ZNF69: variants seen among roughly 807,000 people sequenced by gnomAD.
The protein encoded by ZNF69 is ZNF3.
A neutral mutation model predicts 50.9 loss-of-function variants in ZNF69; 47 were observed. The ratio of observed to expected loss-of-function variants is 0.92; its 90% CI spans 0.73 to 1.18. The LOEUF (loss-of-function observed/expected upper bound fraction) is 1.18. ZNF69 is among the 50% of genes most tolerant of loss of function. The pLI is 0.00. For missense variants in ZNF69, 717 were observed against 675.1 expected (o/e 1.06, Z -0.69); for synonymous variants, 216 against 223.1 (o/e 0.97, Z 0.29).
chr19:11,941,157 G>A, the ZNF69 span, among the ~76,000 whole-genome samples: 1 of 152,228 alleles, frequency 6.6e-6, no homozygotes, highest in Non-Finnish European at 1.5e-5. Context: ...AGTGCCGATT[G>A]GTGCATTTAC....
chr19:11,937,646 G>A, the ZNF69 span, among the ~76,000 whole-genome samples: 18 of 151,030 alleles, frequency 1.2e-4, 1 homozygote, highest in Admixed American at 5.3e-4. Flanking sequence ...CTACCACCAC[G>A]CTTGGCTAAT....
downstream of ZNF69, among the ~76,000 whole-genome samples, chr19:11,908,131 A>C (rs2145248104): frequency 6.6e-6 from 1 of 152,350 alleles, no homozygotes; most frequent in African/African-American, 2.4e-5. Flanking sequence ...ACTATCCTAA[A>C]TATTTATGCA....
chr19:11,916,334 G>C (rs370194613), downstream of ZNF69, among the ~76,000 whole-genome samples: 1 of 152,130 alleles, frequency 6.6e-6, no homozygotes, highest in Non-Finnish European at 1.5e-5. Flanking sequence ...TTCAGGGGCC[G>C]CTGGGCAGAT....
chr19:11,924,923 C>G, the ZNF69 span: 1 of 380,100 alleles, frequency 2.6e-6, no homozygotes. Context: ...AACCAGAGTG[C>G]AGAAAGCAGC....
chr19:11,979,154 G>A, the ZNF69 span: 245 of 1,609,284 alleles, frequency 1.5e-4, no homozygotes, highest in African/African-American at 2.0e-3. Context: ...AAGTCATTTC[G>A]AAGACATGAA....
the ZNF69 span, among the ~76,000 whole-genome samples, chr19:11,934,009 T>C: frequency 6.8e-6 from 1 of 147,548 alleles, no homozygotes; most frequent in Non-Finnish European, 1.5e-5. Flanking sequence ...TAACATTACG[T>C]TGGATGGGTG....
exon 5 of ZNF69, chr19:11,913,966 C>G (rs1242737233): frequency 2.6e-5 from 4 of 152,156 alleles, no homozygotes; most frequent in African/African-American, 9.7e-5. Context: ...TTAGTTTTAT[C>G]CTGATTCATC....
intron 1 of ZNF69, among the ~76,000 whole-genome samples, chr19:11,889,412 T>C (rs1599340172): frequency 6.6e-6 from 1 of 152,196 alleles, no homozygotes; most frequent in Non-Finnish European, 1.5e-5. Flanking sequence ...TTCAGGGTTT[T>C]TTGGGGGTTC....
chr19:11,914,594 T>C (rs893077084), downstream of ZNF69, among the ~76,000 whole-genome samples: 4 of 152,254 alleles, frequency 2.6e-5, no homozygotes, highest in African/African-American at 9.6e-5. Context: ...TGAGGCTAAC[T>C]TGTCAACAGC....
the ZNF69 span, among the ~76,000 whole-genome samples, chr19:11,975,632 T>C: frequency 6.2e-3 from 918 of 148,584 alleles, 6 homozygotes; most frequent in African/African-American, 0.022. Context: ...TCCGCCCGCC[T>C]CGGCCTACCA....
intron 1 of ZNF69, among the ~76,000 whole-genome samples, chr19:11,892,132 C>A (rs958608245): frequency 3.3e-4 from 45 of 137,410 alleles, no homozygotes; most frequent in Non-Finnish European, 6.3e-4. Flanking sequence ...GCACTCCTGG[C>A]TGATTTTTTT....
the ZNF69 span, chr19:11,947,113 G>T: frequency 1.9e-6 from 3 of 1,563,004 alleles, no homozygotes; most frequent in Non-Finnish European, 2.6e-6. Context: ...AACTTCTTGG[G>T]AATAGAGTCT....
intron 3 of ZNF69, among the ~76,000 whole-genome samples, 163 bp from the exon 4 acceptor site, chr19:11,904,486 T>C (rs922594858): frequency 6.6e-6 from 1 of 152,164 alleles, no homozygotes; most frequent in South Asian, 2.1e-4. Flanking sequence ...TATGGCTGGG[T>C]CACCTTGTAC....
the ZNF69 span, among the ~76,000 whole-genome samples, chr19:11,975,926 A>C: frequency 6.6e-6 from 1 of 151,584 alleles, no homozygotes; most frequent in Non-Finnish European, 1.5e-5. Flanking sequence ...TTTCTTAGGA[A>C]TGTCCCATCT....
At chr19:11,918,815 A>T (rs921064039), downstream of ZNF69, among the ~76,000 whole-genome samples, 1 of 152,116 alleles carries the variant, frequency 6.6e-6, no homozygotes, top group Non-Finnish European at 1.5e-5. Context: ...TATTTTATTT[A>T]AAATCTTTAA....
chr19:11,940,560 C>G, the ZNF69 span, among the ~76,000 whole-genome samples: 4 of 152,070 alleles, frequency 2.6e-5, no homozygotes, highest in Non-Finnish European at 5.9e-5. Context: ...AAGCTGCAGA[C>G]CTTTGTGGTG....
the ZNF69 span, among the ~76,000 whole-genome samples, chr19:11,941,529 G>C: frequency 6.6e-6 from 1 of 152,210 alleles, no homozygotes; most frequent in Non-Finnish European, 1.5e-5. Context: ...CTCTGCAGCC[G>C]CTGGCCCAGG....
At chr19:11,946,828 C>G in the ZNF69 span, 1 of 194,862 alleles carries the variant, frequency 5.1e-6, no homozygotes, top group East Asian at 1.5e-4. Flanking sequence ...AACACTCACA[C>G]TACAAGAGGG....
chr19:11,947,589 C>T, the ZNF69 span: 1 of 1,610,216 alleles, frequency 6.2e-7, no homozygotes, highest in Non-Finnish European at 8.5e-7. Context: ...TTTGCATTTC[C>T]AAGAGAAAGC....
Sources: gnomAD v4.1 joint callset for allele counts (sites outside exome capture counted in the v4.1 genomes callset) on GRCh38, gnomAD v4.1.1 for gene constraint, MANE v1.5 for transcripts, NCBI Gene and HGNC (gene_info 2026-07-23, HGNC 2026-07-21) for gene names.